The following CDH24 variants were observed in gnomAD, a reference collection of about 807,000 sequenced individuals.
CDH24 encodes the protein cadherin 24.
Under a neutral mutation model 71.2 loss-of-function variants are expected in CDH24, and 61 were observed. The observed-to-expected ratio is 0.86, with a 90% CI of 0.70 to 1.06. The LOEUF is 1.06. Among genes scored for constraint, CDH24 ranks in the 50% least tolerant of loss-of-function variants. CDH24 has a pLI of 0.00. For synonymous variants in CDH24, 440 were observed against 470.2 expected, an observed-to-expected ratio of 0.94 and a Z score of 0.83; for missense variants, 961 against 1,083.7, an observed-to-expected ratio of 0.89 and a Z score of 1.59.
rs1484530654 is a variant in CDH24, at chr14:23,055,610, T to C, written c.124A>G (p.Thr42Ala). Residue 42 changes from threonine (T) to alanine (A), a missense_variant, in exon 2 of 13, where the codon ACT becomes GCT. Thr to Ala is a moderately conservative substitution (Grantham distance 58). Transcript: ENST00000487137. The surrounding 1 kb of genome is among the most constrained non-coding windows in gnomAD (Gnocchi z 4.1). ...TGGTTCCAGACCCAGCTCCTTCGAG[T>C]CCGCAGCAGAGCAGGCCCTGGGTGT... is the stretch of plus-strand genomic sequence containing the variant. ...REHPGPALLRTRRSWVWNQFF... is the reference protein window; with the variant it reads ...REHPGPALLRARRSWVWNQFF... 1 of 1,613,600 alleles carries C rather than the reference T, an allele frequency of 6.2e-7. No homozygotes were observed. Among genetic ancestry groups the C allele is most frequent in the Admixed American group, 1.7e-5 (1 of 59,994 alleles).
In CDH24 at chr14:23,054,584, T is replaced by A; in HGVS notation, c.706A>T (p.Met236Leu). ...VIQAKDMGGH[M>L]GGLSGSTTVT... ...GTAGTGCTGCCTGACAGCCCCCCCA[T>A]GTGGCCGCCCATGTCCTTGGCCTGG... The change falls in exon 5 of 13, where the codon ATG (methionine) becomes TTG (leucine). Residue 236 changes from methionine (M) to leucine (L), a missense_variant. Physicochemically the swap from Met to Leu is conservative, Grantham distance 15. Transcript: ENST00000487137. This position sits in a 1 kb window ranked among gnomAD's most constrained non-coding sequence, Gnocchi z 5.2. 1.2e-6 allele frequency: 2 copies of A among 1,614,104 alleles called. No individual in the cohort carries two copies. The highest frequency in any genetic ancestry group is 3.3e-5 in the Admixed American group (2 of 60,020).
rs1327824818 is a variant in CDH24, at chr14:23,054,721, A to C, written c.616+26T>G. The C allele has an allele frequency of 6.2e-7, 1 of 1,613,976 alleles. No homozygotes were observed. The highest frequency in any genetic ancestry group is 8.5e-7 in the Non-Finnish European group (1 of 1,179,968). ...GGGTGTCTGTCCCCTTGGCTGCCCCACCGGGCTCCCAGGCTCCATCCTCAC... is the reference window on the plus strand; with the variant it reads ...GGGTGTCTGTCCCCTTGGCTGCCCCCCCGGGCTCCCAGGCTCCATCCTCAC... On this transcript the variant is annotated intron_variant, in intron 4 of 12. Transcript: ENST00000487137. The surrounding 1 kb of genome is among the most constrained non-coding windows in gnomAD (Gnocchi z 5.2).
rs1483657907 is a variant in CDH24, at chr14:23,051,192, T to A, written c.1364-1249A>T. ...TCTACTATGCACACAGTTGCATGTA[T>A]AGAAACATAAACCTAGACACATAGC... is the stretch of plus-strand genomic sequence containing the variant. On this transcript the variant is annotated intron_variant, in intron 8 of 12. Coordinates refer to ENST00000487137, the MANE Select transcript of CDH24 (RefSeq NM_144985.4). This position sits in a 1 kb window ranked among gnomAD's most constrained non-coding sequence, Gnocchi z 4.4. 6.6e-6 allele frequency among the ~76,000 whole-genome samples: 1 copy of A among 152,164 alleles called. No homozygotes were observed. Among genetic ancestry groups the A allele is most frequent in the Admixed American group, 6.5e-5 (1 of 15,270 alleles).
chr14:23,056,819 T>A (rs1205070715), intron 1 of CDH24, among the ~76,000 whole-genome samples: 1 of 150,728 alleles, frequency 6.6e-6, no homozygotes, highest in African/African-American at 2.4e-5. Flanking sequence ...CCCTTCCCAC[T>A]GCTCTCCTTT....
intron 8 of CDH24, chr14:23,052,245 G>A (rs1031288323): frequency 1.4e-6 from 1 of 716,792 alleles, no homozygotes; most frequent in Admixed American, 2.2e-5. Flanking sequence ...CCAGCCTAGG[G>A]GACTAGGAGA....
In CDH24 at chr14:23,049,005, G is replaced by A. The variant is rs1307072673; in HGVS notation, c.1846+22C>T. 1.7e-5 allele frequency: 27 copies of A among 1,607,490 alleles called. No individual in the cohort carries two copies. The Admixed American group carries it at 4.2e-4, about 25-fold the overall frequency. Reference sequence around the variant, plus strand: ...CTGCAGGCCCAGATCGCACAGCTATGTACCACTGTGGCCTGACTCACCAAG... The same window carrying A: ...CTGCAGGCCCAGATCGCACAGCTATATACCACTGTGGCCTGACTCACCAAG... On this transcript the variant is annotated intron_variant, in intron 11 of 12. Transcript: ENST00000487137.
intron 8 of CDH24, 94 bp downstream of exon 8, chr14:23,052,379 G>T: frequency 7.4e-7 from 1 of 1,358,920 alleles, no homozygotes; most frequent in Non-Finnish European, 1.0e-6. Flanking sequence ...TGGTGAGGGT[G>T]CGATGGCAGT....
chr14:23,057,166 CAG>C lies in CDH24; in HGVS notation c.-125+235_-125+236del, dbSNP rs1162227704. Reference sequence around the variant, plus strand: ...GAGGGAGAGGGAAGGGTTGGGGAGACAGAGGGAAGGGATAAGGAAGGCAAACA... The same window carrying C: ...GAGGGAGAGGGAAGGGTTGGGGAGACAGGGAAGGGATAAGGAAGGCAAACA... On this transcript the variant is annotated intron_variant, in intron 1 of 12. Transcript: ENST00000487137. This position sits in a 1 kb window ranked among gnomAD's most constrained non-coding sequence, Gnocchi z 5.4. Among the ~76,000 whole-genome samples, 1 of 151,194 alleles carries C rather than the reference CAG, an allele frequency of 6.6e-6. No homozygotes were observed. Among genetic ancestry groups the C allele is most frequent in the African/African-American group, 2.4e-5 (1 of 41,088 alleles).
chr14:23,056,709 G>T (rs1269517451), intron 1 of CDH24, among the ~76,000 whole-genome samples: 1 of 152,154 alleles, frequency 6.6e-6, no homozygotes, highest in African/African-American at 2.4e-5. Context: ...CTCAGCTTCG[G>T]GGGTGTCAAG....
intron 1 of CDH24, among the ~76,000 whole-genome samples, chr14:23,056,500 A>ATC (rs2047131131): frequency 6.6e-6 from 1 of 152,208 alleles, no homozygotes; most frequent in Non-Finnish European, 1.5e-5. Flanking sequence ...CTAGAGACAG[A>ATC]TAATGACTGA....
intron 10 of CDH24, 78 bp from the exon 11 acceptor site, chr14:23,049,353 TCCCATAGAGCCAGCCC>T (rs1405267134): frequency 7.2e-6 from 10 of 1,382,028 alleles, no homozygotes; most frequent in South Asian, 4.2e-5. Flanking sequence ...AGAGCCAGCT[TCCCATAGAGCCAGCCC>T]CCCATAGAGC....
In CDH24 at chr14:23,054,418, G is replaced by A; in HGVS notation, c.784+88C>T. The A allele has an allele frequency of 9.0e-6, 14 of 1,554,974 alleles. No homozygotes were observed. The highest frequency in any genetic ancestry group is 1.4e-5 in the African/African-American group (1 of 73,520). On this transcript the variant is annotated intron_variant, in intron 5 of 12. Transcript: ENST00000487137. The surrounding 1 kb of genome is among the most constrained non-coding windows in gnomAD (Gnocchi z 5.2). Reference sequence around the variant, plus strand: ...ACTTTATTCTCCCAGGATCTGGCTGGGGAGGAGGCGAGGAGGGAAGGTTTC... The same window carrying A: ...ACTTTATTCTCCCAGGATCTGGCTGAGGAGGAGGCGAGGAGGGAAGGTTTC...
Position 23,055,416 on chromosome 14 carries a change from G to C in CDH24, c.202-63C>G. 1 of 1,587,616 alleles carries C rather than the reference G, an allele frequency of 6.3e-7. No individual in the cohort carries two copies. The highest frequency in any genetic ancestry group is 8.6e-7 in the Non-Finnish European group (1 of 1,163,366). ...TACAGAGACAGGGTTAAAGAGTCTA[G>C]GTTTGGGTAGAGCGTTGGGAGTCCT... On this transcript the variant is annotated intron_variant, in intron 2 of 12. Coordinates refer to ENST00000487137, the MANE Select transcript of CDH24 (RefSeq NM_144985.4). The surrounding 1 kb of genome is among the most constrained non-coding windows in gnomAD (Gnocchi z 4.1).
At chr14:23,056,992 G>T (rs894408005) in intron 1 of CDH24, among the ~76,000 whole-genome samples, 3 of 151,936 alleles carry the variant, frequency 2.0e-5, no homozygotes, top group Non-Finnish European at 4.4e-5. Flanking sequence ...CGAGAAGGAA[G>T]GGGATAGAGG....
In CDH24 at chr14:23,047,816, G is replaced by A. The variant is rs957931082; in HGVS notation, c.*164C>T. The A allele has an allele frequency of 2.5e-6, 1 of 398,808 alleles. No individual in the cohort carries two copies. 24.7% of individuals were successfully genotyped at this position (398,808 alleles called of 1,614,324 possible). A position where few individuals can be genotyped will look rare whatever the true frequency, so the allele number is the denominator to read the frequency against. ...ACACACACACCGACTCAGGAGGAGG[G>A]AGGTGAGAGCGAGGGTGCCCCGGGG... On this transcript the variant is annotated 3_prime_UTR_variant, in exon 12 of 13. Coordinates refer to ENST00000487137, the MANE Select transcript of CDH24 (RefSeq NM_144985.4).
chr14:23,054,921 C>CA lies in CDH24; in HGVS notation c.497-56dup. The CA allele has an allele frequency of 6.3e-7, 1 of 1,578,222 alleles. No individual in the cohort carries two copies. Among genetic ancestry groups the CA allele is most frequent in the Non-Finnish European group, 8.6e-7 (1 of 1,165,616 alleles). ...AGCAGCAGGGAAGGATGGGGAAGAA[C>CA]AACCGATGGGGGGGGATGCAGATAC... On this transcript the variant is annotated intron_variant, in intron 3 of 12. Coordinates refer to ENST00000487137, the MANE Select transcript of CDH24 (RefSeq NM_144985.4). The surrounding 1 kb of genome is among the most constrained non-coding windows in gnomAD (Gnocchi z 5.2).
At chr14:23,052,859 G>T (rs546480812) in intron 7 of CDH24, among the ~76,000 whole-genome samples, 1 of 152,238 alleles carries the variant, frequency 6.6e-6, no homozygotes, top group East Asian at 1.9e-4. Context: ...TGGAGTAGAA[G>T]CGGGATAAAC....
chr14:23,053,862 T>G, intron 6 of CDH24, 113 bp from the exon 7 acceptor site: 1 of 1,111,004 alleles, frequency 9.0e-7, no homozygotes, highest in Non-Finnish European at 1.3e-6. Context: ...TCAGTCCTCA[T>G]GTGAGGAGAG....
At chr14:23,053,357 C>T (rs1254489345) in intron 7 of CDH24, 139 bp downstream of exon 7, 1 of 1,075,794 alleles carries the variant, frequency 9.3e-7, no homozygotes, top group East Asian at 2.7e-5. Context: ...GGCCTGCAGA[C>T]CAGCAAGCCC....
Sources: allele counts gnomAD v4.1 joint callset (sites outside exome capture counted in the v4.1 genomes callset), GRCh38; gene constraint gnomAD v4.1.1; non-coding constraint Gnocchi (gnomAD v3.1); transcripts MANE v1.5; gene names NCBI Gene and HGNC (gene_info 2026-07-23, HGNC 2026-07-21).